Variants in CRADD observed in about 807,000 individuals in gnomAD.
CRADD encodes the protein death domain-containing protein CRADD.
A neutral mutation model predicts 15.5 loss-of-function variants in CRADD; 9 were observed. The observed-to-expected ratio is 0.58, with a 90% CI of 0.35 to 1.01. CRADD has a LOEUF of 1.01. Among genes scored for constraint, CRADD ranks in the 50% least tolerant of loss-of-function variants. The pLI is 0.02. For synonymous variants in CRADD, 118 were observed against 107.6 expected (o/e 1.10, Z -0.60); for missense variants, 227 against 250.3 (o/e 0.91, Z 0.63).
intron 2 of CRADD, among the ~76,000 whole-genome samples, chr12:93,687,826 G>T (rs1955473017): frequency 6.6e-6 from 1 of 152,178 alleles, no homozygotes. Context: ...CCCATACAGG[G>T]GGTGATGCTG....
intron 2 of CRADD, among the ~76,000 whole-genome samples, chr12:93,887,337 G>C (rs1958544612): frequency 6.6e-6 from 1 of 152,214 alleles, no homozygotes; most frequent in South Asian, 2.1e-4. Flanking sequence ...GCTTTTATCA[G>C]ATATTGCCGT....
intron 2 of CRADD, among the ~76,000 whole-genome samples, chr12:93,747,783 T>A (rs1160706626): frequency 3.9e-5 from 6 of 152,170 alleles, no homozygotes; most frequent in Non-Finnish European, 7.4e-5. Flanking sequence ...TCCTTCCCTT[T>A]TAATGCTAGG....
At chr12:93,784,790 A>G (rs2136976865) in intron 2 of CRADD, among the ~76,000 whole-genome samples, 1 of 152,324 alleles carries the variant, frequency 6.6e-6, no homozygotes, top group African/African-American at 2.4e-5. Flanking sequence ...AGGACATAAG[A>G]ATAGATATTC....
At chr12:93,740,354 G>A (rs931658868) in intron 2 of CRADD, among the ~76,000 whole-genome samples, 3 of 152,040 alleles carry the variant, frequency 2.0e-5, no homozygotes, top group African/African-American at 7.2e-5. Flanking sequence ...AGTTAAGTTT[G>A]AAGAAATTCC....
chr12:93,724,410 A>G (rs888552541), intron 2 of CRADD, among the ~76,000 whole-genome samples: 4 of 151,556 alleles, frequency 2.6e-5, no homozygotes, highest in Non-Finnish European at 5.9e-5. Context: ...CTGCTCCAGT[A>G]TGTTGTGATT....
intron 2 of CRADD, among the ~76,000 whole-genome samples, chr12:93,685,237 A>G (rs1290963971): frequency 6.6e-6 from 1 of 152,148 alleles, no homozygotes; most frequent in Non-Finnish European, 1.5e-5. Context: ...TTAAAAATAC[A>G]TGACTTTTAG....
chr12:93,742,435 A>C (rs902332320), intron 2 of CRADD, among the ~76,000 whole-genome samples: 1 of 144,656 alleles, frequency 6.9e-6, no homozygotes. Context: ...CAGCCGCCCT[A>C]GGGCGCCGGC....
intron 2 of CRADD, among the ~76,000 whole-genome samples, chr12:93,856,200 G>A (rs1958273691): frequency 6.6e-6 from 1 of 152,230 alleles, no homozygotes; most frequent in African/African-American, 2.4e-5. Flanking sequence ...AATAGAAACT[G>A]CATAGTCCCT....
intron 2 of CRADD, among the ~76,000 whole-genome samples, chr12:93,777,275 G>C (rs1957150744): frequency 6.6e-6 from 1 of 152,186 alleles, no homozygotes; most frequent in African/African-American, 2.4e-5. Flanking sequence ...TCCCCTAACA[G>C]AATAGAGACA....
chr12:93,689,225 A>G (rs1955508840), intron 2 of CRADD, among the ~76,000 whole-genome samples: 1 of 152,226 alleles, frequency 6.6e-6, no homozygotes, highest in African/African-American at 2.4e-5. Context: ...CCTCAGTTCC[A>G]ATAACCAGCT....
chr12:93,696,867 A>AT (rs1409351299), intron 2 of CRADD, among the ~76,000 whole-genome samples: 1 of 152,170 alleles, frequency 6.6e-6, no homozygotes, highest in Non-Finnish European at 1.5e-5. Context: ...TAATCTAGAG[A>AT]TTATTTAAAA....
chr12:93,886,114 AGATATACAACT>A lies in CRADD; in HGVS notation c.299-7934_299-7924del, dbSNP rs577684967. 8.6e-5 allele frequency among the ~76,000 whole-genome samples: 13 copies of A among 151,610 alleles called. No individual in the cohort carries two copies. The East Asian group carries it at 1.9e-3, about 23-fold the overall frequency. ...TAAGGAATCAGTCTTTATATCTATA[AGATATACAACT>A]GCCAAGCTAAGATGGACATGCCTCT... On this transcript the variant is annotated intron_variant, in intron 2 of 2. Coordinates refer to the CRADD transcript ENST00000548483.
At chr12:93,803,654 C>T (rs1014780322) in intron 2 of CRADD, among the ~76,000 whole-genome samples, 11 of 151,536 alleles carry the variant, frequency 7.3e-5, no homozygotes, top group Non-Finnish European at 1.2e-4. Context: ...TTACTTCCAG[C>T]TGAAATGGAA....
intron 2 of CRADD, among the ~76,000 whole-genome samples, chr12:93,760,706 A>T (rs1956944584): frequency 6.6e-6 from 1 of 152,048 alleles, no homozygotes; most frequent in Non-Finnish European, 1.5e-5. Flanking sequence ...TCATTCATTC[A>T]TTCAACAAGC....
At chr12:93,843,469 T>C (rs1958074394) in intron 2 of CRADD, among the ~76,000 whole-genome samples, 1 of 147,184 alleles carries the variant, frequency 6.8e-6, no homozygotes, top group Non-Finnish European at 1.5e-5. Context: ...AACCTCCGCC[T>C]CCCAGAGTCA....
chr12:93,707,110 G>C (rs1421730768), intron 2 of CRADD, among the ~76,000 whole-genome samples: 2 of 152,162 alleles, frequency 1.3e-5, no homozygotes, highest in African/African-American at 2.4e-5. Context: ...CATTTGTCAT[G>C]GATCAAATCT....
intron 2 of CRADD, among the ~76,000 whole-genome samples, chr12:93,808,396 C>T (rs1279729036): frequency 3.3e-5 from 5 of 152,052 alleles, no homozygotes; most frequent in Admixed American, 6.6e-5. Flanking sequence ...TTAGATCTCT[C>T]GAGACTTATT....
intron 2 of CRADD, among the ~76,000 whole-genome samples, chr12:93,687,855 A>G (rs1183301320): frequency 6.6e-6 from 1 of 152,214 alleles, no homozygotes; most frequent in African/African-American, 2.4e-5. Context: ...ATTAAAATCC[A>G]TTAGGGCTCT....
intron 2 of CRADD, among the ~76,000 whole-genome samples, chr12:93,691,310 A>G (rs1340251288): frequency 6.6e-6 from 1 of 150,734 alleles, no homozygotes; most frequent in Non-Finnish European, 1.5e-5. Flanking sequence ...CTGGGGTGCA[A>G]TGGCGCGATC....
Sources: gnomAD v4.1 joint callset for allele counts (sites outside exome capture counted in the v4.1 genomes callset) on GRCh38, gnomAD v4.1.1 for gene constraint, MANE v1.5 for transcripts, NCBI Gene and HGNC (gene_info 2026-07-23, HGNC 2026-07-21) for gene names.